The following GALNT17 variants were observed in gnomAD, a reference collection of about 807,000 sequenced individuals.
GALNT17 encodes polypeptide N-acetylgalactosaminyltransferase 17.
In GALNT17, 29 loss-of-function variants were observed where a neutral mutation model predicts 63.7. That is an observed-to-expected ratio of 0.46 (90% CI 0.34 to 0.62). The LOEUF is 0.62. Among genes scored for constraint, GALNT17 ranks in the 20% least tolerant of loss-of-function variants. The pLI is 0.01. For missense variants in GALNT17, 603 were observed against 799.6 expected (o/e 0.75, Z 2.97); for synonymous variants, 305 against 318.3 (o/e 0.96, Z 0.45).
At chr7:71,604,742 G>A (rs1562707621) in intron 6 of GALNT17, among the ~76,000 whole-genome samples, 2 of 152,146 alleles carry the variant, frequency 1.3e-5, no homozygotes, top group South Asian at 4.1e-4. Flanking sequence ...GTCCTCTTCT[G>A]TACAACATCC....
intron 5 of GALNT17, among the ~76,000 whole-genome samples, chr7:71,543,267 A>G (rs947865696): frequency 2.0e-5 from 3 of 152,160 alleles, no homozygotes; most frequent in South Asian, 2.1e-4. Context: ...TCTGTTACCA[A>G]ACAAAAGGGT....
intron 1 of GALNT17, among the ~76,000 whole-genome samples, chr7:71,150,484 G>A (rs11974455): frequency 0.064 from 9,683 of 151,632 alleles, 424 homozygotes; most frequent in African/African-American, 0.12. Context: ...GGTCCTTCAT[G>A]CCTTCTCTCT....
At chr7:71,201,244 T>TATATATATATATACAC (rs753976717) in intron 1 of GALNT17, among the ~76,000 whole-genome samples, 1 of 146,686 alleles carries the variant, frequency 6.8e-6, no homozygotes, top group African/African-American at 2.6e-5. Flanking sequence ...TTTATTTTTA[T>TATATATATATATACAC]ATATATATAT....
intron 1 of GALNT17, among the ~76,000 whole-genome samples, chr7:71,251,578 T>G (rs1413354310): frequency 6.6e-6 from 1 of 152,000 alleles, no homozygotes; most frequent in South Asian, 2.1e-4. Context: ...CCTAGCTAAT[T>G]TAAAAATTTT....
intron 5 of GALNT17, among the ~76,000 whole-genome samples, chr7:71,534,840 G>A (rs998816475): frequency 5.3e-5 from 8 of 152,100 alleles, no homozygotes; most frequent in Admixed American, 2.6e-4. Flanking sequence ...GCATCTTAAC[G>A]TATTGACTCT....
rs916652278 is a variant in GALNT17 at position 71,318,004 on chromosome 7, G to A, written c.239-17546G>A. Among the ~76,000 whole-genome samples, 8 of 151,948 alleles carry A rather than the reference G, an allele frequency of 5.3e-5. No individual in the cohort carries two copies. In the South Asian group the frequency reaches 6.2e-4, roughly 12 times the overall value. ...TGGTGTGATTGCAGCTCACTGAAGC[G>A]TTGATCTCCTGGGCTCAAGTGATCC... On this transcript the variant is annotated intron_variant, in intron 1 of 10. Transcript: ENST00000333538.
rs150608439 is a variant in GALNT17, at chr7:71,278,934, T to C, written c.239-56616T>C. On this transcript the variant is annotated intron_variant, in intron 1 of 10. Transcript: ENST00000333538. Reference sequence around the variant, plus strand: ...CTCTTTTTCTTCTTCTTCTTCTTTTTTTTTTTAATTGAGATGGAGTCTCGC... The same window carrying C: ...CTCTTTTTCTTCTTCTTCTTCTTTTCTTTTTTAATTGAGATGGAGTCTCGC... 5.0e-3 allele frequency among the ~76,000 whole-genome samples: 754 copies of C among 151,956 alleles called. 8 individuals are homozygous for C. Among genetic ancestry groups the C allele is most frequent in the African/African-American group, 0.017 (685 of 41,434 alleles).
intron 5 of GALNT17, among the ~76,000 whole-genome samples, chr7:71,436,264 TC>T (rs1317668673): frequency 1.3e-5 from 2 of 151,978 alleles, no homozygotes; most frequent in Non-Finnish European, 2.9e-5. Context: ...TTGCTTAAGC[TC>T]AAGAGTTGGA....
At chr7:71,528,006 C>G (rs1788653167) in intron 5 of GALNT17, among the ~76,000 whole-genome samples, 2 of 152,108 alleles carry the variant, frequency 1.3e-5, no homozygotes, top group Non-Finnish European at 2.9e-5. Context: ...TCGTGTCAAC[C>G]CAAAGGGTCT....
At chr7:71,163,852 A>G (rs1346462081) in intron 1 of GALNT17, among the ~76,000 whole-genome samples, 2 of 152,202 alleles carry the variant, frequency 1.3e-5, no homozygotes, top group Non-Finnish European at 2.9e-5. Flanking sequence ...AATCAATGTA[A>G]TATTTATGGG....
intron 5 of GALNT17, among the ~76,000 whole-genome samples, chr7:71,570,665 T>C (rs935374357): frequency 2.6e-5 from 4 of 152,024 alleles, no homozygotes; most frequent in African/African-American, 9.7e-5. Flanking sequence ...ACATTATCCC[T>C]AGATGCTTTT....
intron 6 of GALNT17, among the ~76,000 whole-genome samples, chr7:71,601,540 G>T (rs1006701109): frequency 2.0e-5 from 3 of 152,094 alleles, no homozygotes; most frequent in Non-Finnish European, 4.4e-5. Context: ...CCAAGCACTT[G>T]GGAAGCTGAG....
At chr7:71,288,839 A>T (rs1367464096) in intron 1 of GALNT17, among the ~76,000 whole-genome samples, 1 of 152,194 alleles carries the variant, frequency 6.6e-6, no homozygotes, top group Non-Finnish European at 1.5e-5. Context: ...TTTTTGCTGG[A>T]TCCATTTCTT....
intron 7 of GALNT17, among the ~76,000 whole-genome samples, chr7:71,667,990 G>A (rs1303011924): frequency 1.3e-5 from 2 of 152,036 alleles, no homozygotes; most frequent in Non-Finnish European, 2.9e-5. Context: ...GTAGAGACAA[G>A]GTTTTGCCAC....
intron 1 of GALNT17, among the ~76,000 whole-genome samples, chr7:71,151,210 A>C (rs113640778): frequency 2.0e-5 from 3 of 152,186 alleles, no homozygotes; most frequent in Non-Finnish European, 2.9e-5. Flanking sequence ...CCCTTGATTC[A>C]TGTGATCAGC....
At chr7:71,377,669 T>G (rs191584229) in intron 2 of GALNT17, among the ~76,000 whole-genome samples, 17 of 152,334 alleles carry the variant, frequency 1.1e-4, no homozygotes, top group Non-Finnish European at 2.1e-4. Flanking sequence ...ATCTCATCTC[T>G]AATCGTAATC....
At chr7:71,369,811 CAAAA>C (rs763387719) in intron 2 of GALNT17, among the ~76,000 whole-genome samples, 2,294 of 72,154 alleles carry the variant, frequency 0.032, 75 homozygotes, top group African/African-American at 0.089. Flanking sequence ...GGCTTTTTGT[CAAAA>C]AAAAAAAAAA....
chr7:71,403,290 A>G (rs550367762), intron 3 of GALNT17, among the ~76,000 whole-genome samples: 9 of 152,326 alleles, frequency 5.9e-5, no homozygotes, highest in African/African-American at 2.2e-4. Flanking sequence ...TCCCAGTGGT[A>G]ACATCTTGCA....
At chr7:71,191,611 C>T (rs763866488) in intron 1 of GALNT17, among the ~76,000 whole-genome samples, 6 of 152,122 alleles carry the variant, frequency 3.9e-5, no homozygotes, top group Non-Finnish European at 5.9e-5. Context: ...TCAGGAGTTT[C>T]GTTGCTTTTT....
Sources: allele counts gnomAD v4.1 joint callset (sites outside exome capture counted in the v4.1 genomes callset), GRCh38; gene constraint gnomAD v4.1.1; transcripts MANE v1.5; gene names NCBI Gene and HGNC (gene_info 2026-07-23, HGNC 2026-07-21).